The following UNC13C variants were observed in gnomAD, a reference collection of about 807,000 sequenced individuals.
UNC13C encodes protein unc-13 homolog C.
A neutral mutation model predicts 245.4 loss-of-function variants in UNC13C; 174 were observed. The observed-to-expected ratio is 0.71, with a 90% confidence interval of 0.63 to 0.80. The LOEUF (loss-of-function observed/expected upper bound fraction) is 0.80. Among genes scored for constraint, UNC13C ranks in the 30% least tolerant of loss-of-function variants. The pLI is 0.00. For missense variants in UNC13C, 2,829 were observed against 2,602.9 expected (o/e 1.09, Z -1.89); for synonymous variants, 992 against 895.1 (o/e 1.11, Z -1.93).
At chr15:54,195,740 G>A (rs1325685425) in intron 4 of UNC13C, among the ~76,000 whole-genome samples, 1 of 152,072 alleles carries the variant, frequency 6.6e-6, no homozygotes, top group Non-Finnish European at 1.5e-5. Flanking sequence ...TGGTTTTGTT[G>A]TAAGTGGTAT....
chr15:54,466,082 T>C (rs1010029873), intron 19 of UNC13C, among the ~76,000 whole-genome samples: 6 of 151,958 alleles, frequency 3.9e-5, no homozygotes, highest in Admixed American at 6.6e-5. Context: ...TGAAATAAAC[T>C]AAGCACAGAG....
chr15:54,103,195 C>A (rs1595858794), intron 2 of UNC13C, among the ~76,000 whole-genome samples: 2 of 152,206 alleles, frequency 1.3e-5, no homozygotes, highest in African/African-American at 4.8e-5. Context: ...CACACACTCT[C>A]TCACAGTACA....
chr15:53,903,097 A>G, the UNC13C span, among the ~76,000 whole-genome samples: 1 of 152,220 alleles, frequency 6.6e-6, no homozygotes, highest in Non-Finnish European at 1.5e-5. Context: ...CTTGTCTAAA[A>G]CATATTCTCC....
intron 2 of UNC13C, among the ~76,000 whole-genome samples, chr15:54,117,879 C>A (rs997299946): frequency 1.3e-5 from 2 of 152,094 alleles, no homozygotes; most frequent in African/African-American, 4.8e-5. Flanking sequence ...CCACGCCTGG[C>A]CCCAAACCAT....
At chr15:54,086,464 G>C (rs1179376946) in intron 2 of UNC13C, among the ~76,000 whole-genome samples, 1 of 152,052 alleles carries the variant, frequency 6.6e-6, no homozygotes. Flanking sequence ...ATAAAATTGA[G>C]GCTGCTCAGT....
At chr15:54,355,426 G>A (rs1317352354) in intron 17 of UNC13C, among the ~76,000 whole-genome samples, 5 of 151,608 alleles carry the variant, frequency 3.3e-5, no homozygotes, top group African/African-American at 7.3e-5. Flanking sequence ...GCGCGATCTC[G>A]GCTCACTGCA....
the UNC13C span, among the ~76,000 whole-genome samples, chr15:53,968,418 A>G: frequency 6.6e-6 from 1 of 152,200 alleles, no homozygotes; most frequent in Non-Finnish European, 1.5e-5. Flanking sequence ...ACAGAAATAT[A>G]GAATGTATCA....
At chr15:54,360,094 T>C (rs1014952626) in intron 17 of UNC13C, among the ~76,000 whole-genome samples, 2 of 152,044 alleles carry the variant, frequency 1.3e-5, no homozygotes, top group African/African-American at 2.4e-5. Context: ...GTTTAATGTA[T>C]ATGAATTTGT....
At chr15:53,925,441 C>T in the UNC13C span, among the ~76,000 whole-genome samples, 1 of 152,110 alleles carries the variant, frequency 6.6e-6, no homozygotes. Context: ...TTCTCTGTAG[C>T]AGTTAGCATT....
At chr15:54,185,367 T>A (rs111321446) in intron 4 of UNC13C, among the ~76,000 whole-genome samples, 6,989 of 150,430 alleles carry the variant, frequency 0.046, 247 homozygotes, top group Non-Finnish European at 0.069. Context: ...CTGAATGGTA[T>A]TGCCTAGGTT....
At chr15:54,289,689 G>A (rs1050197558) in intron 10 of UNC13C, among the ~76,000 whole-genome samples, 1 of 152,024 alleles carries the variant, frequency 6.6e-6, no homozygotes, top group Non-Finnish European at 1.5e-5. Context: ...TGGGAACTGG[G>A]TCAAATTATG....
chr15:54,409,976 A>G (rs755399302), intron 18 of UNC13C, among the ~76,000 whole-genome samples: 1 of 152,178 alleles, frequency 6.6e-6, no homozygotes, highest in Non-Finnish European at 1.5e-5. Flanking sequence ...GGCTGAATTA[A>G]TTTACATTCC....
chr15:54,191,966 T>C (rs971831531), intron 4 of UNC13C, among the ~76,000 whole-genome samples: 1 of 152,174 alleles, frequency 6.6e-6, no homozygotes, highest in African/African-American at 2.4e-5. Flanking sequence ...GTCAGATGGA[T>C]AGATTGCAAA....
chr15:54,627,239 G>T lies in UNC13C; in HGVS notation c.*126G>T. Reference sequence around the variant, plus strand: ...CAGTACTCATGTACGATGTCTACAAGGTATGTAAAAAACCTGCTGAACTTT... The same window carrying T: ...CAGTACTCATGTACGATGTCTACAATGTATGTAAAAAACCTGCTGAACTTT... On this transcript the variant is annotated 3_prime_UTR_variant, in exon 33 of 33. Coordinates refer to ENST00000260323, the MANE Select transcript of UNC13C (RefSeq NM_001080534.3). 1 of 1,034,864 alleles carries T rather than the reference G, an allele frequency of 9.7e-7. No individual in the cohort carries two copies. The highest frequency in any genetic ancestry group is 2.2e-5 in the South Asian group (1 of 45,952). The allele number at this position is 1,034,864 out of a possible 1,614,324, so 64.1% of individuals were successfully genotyped here. A position where few individuals can be genotyped will look rare whatever the true frequency, so the allele number is the denominator to read the frequency against.
At chr15:54,425,720 A>G (rs757699248) in intron 19 of UNC13C, among the ~76,000 whole-genome samples, 6 of 151,796 alleles carry the variant, frequency 4.0e-5, no homozygotes, top group Admixed American at 6.6e-5. Context: ...CTAGCCAGCT[A>G]TTTTTTCCTC....
chr15:54,293,838 C>T, intron 10 of UNC13C, 57 bp from the exon 11 acceptor site: 2 of 1,380,712 alleles, frequency 1.4e-6, no homozygotes, highest in Admixed American at 3.0e-5. Context: ...GTACTAACAT[C>T]AAATGGAATT....
intron 12 of UNC13C, among the ~76,000 whole-genome samples, chr15:54,299,388 T>G (rs1425661421): frequency 6.6e-6 from 1 of 152,208 alleles, no homozygotes; most frequent in African/African-American, 2.4e-5. Context: ...TCTTACCATT[T>G]TGCAGCCCAA....
In UNC13C at chr15:54,012,913, A is replaced by G. The variant is rs745831884; in HGVS notation, c.10A>G (p.Asn4Asp). ...GCACTAATTGCTCTCCATGGTGGCT[A>G]ATTTTTTCAAGAGCTTGATTTTACC... MVA[N>D]FFKSLILPYI... Residue 4 changes from asparagine to aspartate, a missense_variant, in exon 2 of 33, where the codon AAT (asparagine) becomes GAT (aspartate). Transcript: ENST00000260323. 5.0e-6 allele frequency: 8 copies of G among 1,596,388 alleles called. No individual in the cohort carries two copies. The South Asian group carries it at 9.0e-5, about 18-fold the overall frequency.
chr15:54,091,909 A>C (rs936788187), intron 2 of UNC13C, among the ~76,000 whole-genome samples: 3 of 152,094 alleles, frequency 2.0e-5, no homozygotes, highest in African/African-American at 7.2e-5. Flanking sequence ...AACTTTGCTT[A>C]TTATGCATCA....
Sources: gnomAD v4.1 joint callset for allele counts (sites outside exome capture counted in the v4.1 genomes callset) on GRCh38, gnomAD v4.1.1 for gene constraint, MANE v1.5 for transcripts, NCBI Gene and HGNC (gene_info 2026-07-23, HGNC 2026-07-21) for gene names.